SGCZ: variants seen among roughly 807,000 people sequenced by gnomAD.
SGCZ encodes sarcoglycan zeta.
A neutral mutation model predicts 41.3 loss-of-function variants in SGCZ; 40 were observed. The ratio of observed to expected loss-of-function variants is 0.97; its 90% CI spans 0.75 to 1.26. SGCZ has a LOEUF of 1.26. SGCZ is among the 50% of genes most tolerant of loss of function. The pLI is 0.00. For missense variants in SGCZ, 552 were observed against 369.8 expected (o/e 1.49, Z -4.04); for synonymous variants, 206 against 137.5 (o/e 1.50, Z -3.49).
At chr8:14,262,370 A>G (rs1747915483) in intron 3 of SGCZ, among the ~76,000 whole-genome samples, 1 of 152,134 alleles carries the variant, frequency 6.6e-6, no homozygotes, top group Non-Finnish European at 1.5e-5. Context: ...GACAATGTGA[A>G]GGCTTATATT....
intron 1 of SGCZ, among the ~76,000 whole-genome samples, chr8:14,982,507 A>G (rs958417480): frequency 6.6e-6 from 1 of 152,186 alleles, no homozygotes; most frequent in African/African-American, 2.4e-5. Flanking sequence ...CACAGTGTAA[A>G]CAGCTTTGAC....
intron 1 of SGCZ, among the ~76,000 whole-genome samples, chr8:14,907,756 G>A (rs1475816636): frequency 6.6e-6 from 1 of 152,122 alleles, no homozygotes; most frequent in Non-Finnish European, 1.5e-5. Context: ...ACCTATATAA[G>A]CTACATGCAC....
At chr8:14,341,250 T>C (rs1802694039) in intron 2 of SGCZ, among the ~76,000 whole-genome samples, 1 of 152,238 alleles carries the variant, frequency 6.6e-6, no homozygotes, top group African/African-American at 2.4e-5. Context: ...TGTACAAATA[T>C]CTGAGACTCT....
At chr8:14,552,628 G>A (rs930926766) in intron 2 of SGCZ, among the ~76,000 whole-genome samples, 2 of 151,944 alleles carry the variant, frequency 1.3e-5, no homozygotes, top group African/African-American at 4.8e-5. Flanking sequence ...GGCCAGCTGA[G>A]GTTCAAATTA....
rs1387607256 is a variant in SGCZ, at chr8:14,090,620, C to G, written c.762G>C (p.Glu254Asp). The change falls in exon 8 of 8, where the codon GAG becomes GAC. Residue 254 changes from glutamate to aspartate, a missense_variant. Transcript: ENST00000382080. The stretch of plus-strand genomic sequence containing the variant: ...TTGGTAGATTTCCCAGCTTGATTGT[C>G]TCTGCATTTAAAAATATCTATGGGA... Reference protein sequence around the residue: ...STEGEIFLNAETIKLGNLPTG... With the variant: ...STEGEIFLNADTIKLGNLPTG... 1 of 1,608,758 alleles carries G rather than the reference C, an allele frequency of 6.2e-7. No individual in the cohort carries two copies. The highest frequency in any genetic ancestry group is 8.5e-7 in the Non-Finnish European group (1 of 1,178,440).
chr8:14,806,261 A>G (rs1031439130), intron 1 of SGCZ, among the ~76,000 whole-genome samples: 8 of 151,126 alleles, frequency 5.3e-5, no homozygotes, highest in African/African-American at 7.4e-5. Flanking sequence ...AGAGACATAA[A>G]AAACCCTTCA....
At chr8:14,688,339 A>C (rs1237213467) in intron 1 of SGCZ, among the ~76,000 whole-genome samples, 2 of 152,142 alleles carry the variant, frequency 1.3e-5, no homozygotes, top group African/African-American at 2.4e-5. Flanking sequence ...TCTAAAGTTT[A>C]TGTCTTTAAT....
chr8:14,908,877 T>C (rs551774415), intron 1 of SGCZ, among the ~76,000 whole-genome samples: 1 of 152,152 alleles, frequency 6.6e-6, no homozygotes, highest in South Asian at 2.1e-4. Context: ...ATGCGACGAA[T>C]AGTTTGTTAT....
At chr8:14,423,426 A>AT (rs1799689875) in intron 2 of SGCZ, among the ~76,000 whole-genome samples, 1 of 151,984 alleles carries the variant, frequency 6.6e-6, no homozygotes, top group Non-Finnish European at 1.5e-5. Flanking sequence ...AATAATTATT[A>AT]TTTTTTTAAG....
At chr8:14,496,801 A>T (rs1381529703) in intron 2 of SGCZ, among the ~76,000 whole-genome samples, 1 of 152,178 alleles carries the variant, frequency 6.6e-6, no homozygotes, top group Non-Finnish European at 1.5e-5. Context: ...AAAATAAGAA[A>T]GTTGTTTTCT....
At chr8:15,146,794 T>C (rs372995130) in intron 1 of SGCZ, among the ~76,000 whole-genome samples, 7 of 152,296 alleles carry the variant, frequency 4.6e-5, no homozygotes, top group African/African-American at 1.7e-4. Context: ...ATGCATGATC[T>C]TTTCTGAATT....
intron 1 of SGCZ, among the ~76,000 whole-genome samples, chr8:14,864,844 G>T (rs2130688346): frequency 6.6e-6 from 1 of 151,952 alleles, no homozygotes; most frequent in South Asian, 2.1e-4. Flanking sequence ...GTTATTTTTG[G>T]TCTTTTTCAT....
chr8:14,565,595 A>C (rs545518120), intron 1 of SGCZ, among the ~76,000 whole-genome samples: 1 of 152,224 alleles, frequency 6.6e-6, no homozygotes, highest in East Asian at 1.9e-4. Context: ...AGAAGGAAAA[A>C]TCTTTAAGGA....
chr8:14,475,128 C>T (rs2116988704), intron 2 of SGCZ, among the ~76,000 whole-genome samples: 1 of 152,152 alleles, frequency 6.6e-6, no homozygotes, highest in Non-Finnish European at 1.5e-5. Flanking sequence ...AACATTGTAA[C>T]ACAAAGTGAA....
In SGCZ at chr8:15,032,219, C is replaced by A. The variant is rs1018062172; in HGVS notation, c.39+205366G>T. Among the ~76,000 whole-genome samples the A allele has an allele frequency of 5.9e-4, 89 of 152,046 alleles. 2 individuals carry two copies. Among genetic ancestry groups the A allele is most frequent in the Non-Finnish European group, 1.8e-4 (12 of 68,002 alleles). ...ACATCAACTTATATAACTATCCATA[C>A]ACAAAAAATGTCTTTGCAAAAGCTA... On this transcript the variant is annotated intron_variant, in intron 1 of 7. Transcript: ENST00000382080.
chr8:14,394,832 T>C (rs1266641406), intron 2 of SGCZ, among the ~76,000 whole-genome samples: 1 of 152,164 alleles, frequency 6.6e-6, no homozygotes, highest in East Asian at 1.9e-4. Context: ...AAGTTGCCTG[T>C]TGGAAAATGT....
intron 2 of SGCZ, among the ~76,000 whole-genome samples, chr8:14,529,540 A>G (rs1445556341): frequency 6.6e-6 from 1 of 152,140 alleles, no homozygotes; most frequent in Non-Finnish European, 1.5e-5. Flanking sequence ...ATTAGCCCTC[A>G]TCTAGGATTG....
intron 3 of SGCZ, among the ~76,000 whole-genome samples, chr8:14,288,532 T>C (rs1041240567): frequency 2.0e-5 from 3 of 152,142 alleles, no homozygotes; most frequent in Admixed American, 6.6e-5. Flanking sequence ...GCTTATATAA[T>C]AAATGACCTT....
intron 2 of SGCZ, among the ~76,000 whole-genome samples, chr8:14,382,922 C>T (rs1042850604): frequency 6.6e-6 from 1 of 152,118 alleles, no homozygotes; most frequent in Non-Finnish European, 1.5e-5. Context: ...GTTAATCATA[C>T]CTAGTTATTT....
Sources: gnomAD v4.1 joint callset for allele counts (sites outside exome capture counted in the v4.1 genomes callset) on GRCh38, gnomAD v4.1.1 for gene constraint, MANE v1.5 for transcripts, NCBI Gene and HGNC (gene_info 2026-07-23, HGNC 2026-07-21) for gene names.